The following ZNF777 variants were observed in gnomAD, a reference collection of about 807,000 sequenced individuals.
The protein encoded by ZNF777 is zinc finger protein 777.
ZNF777 carries 7 observed loss-of-function variants against 72.1 expected under a neutral mutation model. That is an observed-to-expected ratio of 0.10 (90% CI 0.06 to 0.18). The LOEUF (loss-of-function observed/expected upper bound fraction) is 0.18. Ranked by LOEUF, ZNF777 falls within the 10% of genes least tolerant of loss-of-function variation. The pLI, the probability that ZNF777 is intolerant of heterozygous loss-of-function variation, is 1.00. For synonymous variants in ZNF777, 545 were observed against 483.5 expected, an observed-to-expected ratio of 1.13 and a Z score of -1.67; for missense variants, 828 against 1,128.6, an observed-to-expected ratio of 0.73 and a Z score of 3.82.
chr7:149,450,859 C>G (rs1799699122), intron 4 of ZNF777, 140 bp downstream of exon 4: 2 of 648,632 alleles, frequency 3.1e-6, no homozygotes, highest in Non-Finnish European at 5.1e-6. Context: ...CACTCCAAAG[C>G]AGGTCCTGGC....
chr7:149,432,646 G>A lies in ZNF777; in HGVS notation c.1626C>T (p.Gly542=), dbSNP rs367681984. Residue 542 remains glycine, a synonymous_variant, in exon 6 of 6, where the codon GGC becomes GGT. Transcript: ENST00000247930. ...ASSQQQRNRR[G]ERPFTCMECG... The stretch of plus-strand genomic sequence containing the variant: ...ACTCCATGCATGTGAAGGGCCGCTC[G>A]CCGCGCCGGTTCCGCTGCTGCTGGC... 8.1e-6 allele frequency: 13 copies of A among 1,613,444 alleles called. No homozygotes were observed. The highest frequency in any genetic ancestry group is 4.0e-5 in the African/African-American group (3 of 74,910).
Position 149,436,951 on chromosome 7 carries a change from T to C in ZNF777, c.1088-125A>G, listed in dbSNP as rs545819172. On this transcript the variant is annotated intron_variant, in intron 4 of 5. Transcript: ENST00000247930. The surrounding 1 kb of genome is among the most constrained non-coding windows in gnomAD (Gnocchi z 5.0). ...TCTTATCTTAGAGACCCTGAAGAAA[T>C]GTAATATTGAGTTGGAAATGAGTAG... 9.6e-6 allele frequency: 12 copies of C among 1,244,218 alleles called. No individual in the cohort carries two copies. The highest frequency in any genetic ancestry group is 1.1e-5 in the Non-Finnish European group (10 of 905,750). The allele number at this position is 1,244,218 out of a possible 1,614,324, so 77.1% of individuals were successfully genotyped here.
In ZNF777 at chr7:149,436,031, C is replaced by T. The variant is rs1402743089; in HGVS notation, c.1339+544G>A. Among the ~76,000 whole-genome samples, 1 of 152,174 alleles carries T rather than the reference C, an allele frequency of 6.6e-6. No individual in the cohort carries two copies. The highest frequency in any genetic ancestry group is 1.5e-5 in the Non-Finnish European group (1 of 68,038). Reference sequence around the variant, plus strand: ...CGAAAGATGTCCTGGGATCAGGCCACCGTGAGCCCCAGTGCCTTACTGTTC... The same window carrying T: ...CGAAAGATGTCCTGGGATCAGGCCATCGTGAGCCCCAGTGCCTTACTGTTC... On this transcript the variant is annotated intron_variant, in intron 5 of 5. Transcript: ENST00000247930. This position sits in a 1 kb window ranked among gnomAD's most constrained non-coding sequence, Gnocchi z 5.0.
chr7:149,451,655 C>T (rs1799719225), intron 3 of ZNF777, among the ~76,000 whole-genome samples: 2 of 151,916 alleles, frequency 1.3e-5, no homozygotes, highest in Admixed American at 6.6e-5. Context: ...TCACACACTG[C>T]ACTCCAGCCT....
At chr7:149,451,156 G>T in intron 3 of ZNF777, 44 bp from the exon 4 acceptor site, 2 of 1,538,332 alleles carry the variant, frequency 1.3e-6, no homozygotes, top group South Asian at 2.2e-5. Context: ...GGATGAGGTT[G>T]CACTGGATGT....
chr7:149,449,959 C>A (rs1799684345), intron 4 of ZNF777, among the ~76,000 whole-genome samples: 1 of 152,144 alleles, frequency 6.6e-6, no homozygotes, highest in African/African-American at 2.4e-5. Flanking sequence ...CAACATTACT[C>A]CCATGTTCCT....
chr7:149,459,633 G>A (rs1354667461), intron 1 of ZNF777: 1 of 985,006 alleles, frequency 1.0e-6, no homozygotes, highest in Non-Finnish European at 1.2e-6. Context: ...TTCTGGGGCT[G>A]CCGCACCGTG....
rs1211889262 is a variant in ZNF777, at chr7:149,460,370, C to A, written c.-16+445G>T. Among the ~76,000 whole-genome samples the A allele has an allele frequency of 6.9e-6, 1 of 145,870 alleles. No individual in the cohort carries two copies. Among genetic ancestry groups the A allele is most frequent in the African/African-American group, 2.5e-5 (1 of 40,738 alleles). On this transcript the variant is annotated intron_variant, in intron 1 of 5. Transcript: ENST00000247930. The surrounding 1 kb of genome is among the most constrained non-coding windows in gnomAD (Gnocchi z 6.1). ...GGTCGCGGAGCCCGAGCGGCGGCGT[C>A]GGAGCTGGGCGCGCGGCTGTGCGGG...
rs571060470 is a variant in ZNF777 at position 149,443,222 on chromosome 7, AATTT to A, written c.1088-6400_1088-6397del. 2.6e-4 allele frequency among the ~76,000 whole-genome samples: 33 copies of A among 129,264 alleles called. No individual in the cohort carries two copies. In the South Asian group the frequency reaches 8.0e-3, roughly 31 times the overall value. The allele number at this position is 129,264 out of a possible 152,430, so 84.8% of individuals were successfully genotyped here. ...GTCAGCTATGAAAAAGAACACGACA[AATTT>A]ATATATTCTGACGTAAAAATGTCAA... On this transcript the variant is annotated intron_variant, in intron 4 of 5. Transcript: ENST00000247930.
chr7:149,432,287 C>T lies in ZNF777; in HGVS notation c.1985G>A (p.Arg662Gln). Residue 662 changes from arginine (R) to glutamine (Q), a missense_variant, in exon 6 of 6, where the codon CGG (arginine) becomes CAG (glutamine). This residue lies in a region of ZNF777 where 26 missense variants were observed against 62.1 expected (regional missense o/e 0.42). Coordinates refer to ENST00000247930, the MANE Select transcript of ZNF777 (RefSeq NM_015694.3). ...CTTGCACTCGGGGCACGTGTAGGGC[C>T]GCTCACCCGTGTGCGTGATCTGGTG... ...TKHQITHTGE[R>Q]PYTCPECKKS... 4 of 1,610,254 alleles carry T rather than the reference C, an allele frequency of 2.5e-6. No individual in the cohort carries two copies. Among genetic ancestry groups the T allele is most frequent in the Non-Finnish European group, 3.4e-6 (4 of 1,179,896 alleles).
At chr7:149,459,843 G>A in intron 1 of ZNF777, 2 of 984,694 alleles carry the variant, frequency 2.0e-6, no homozygotes, top group Non-Finnish European at 2.4e-6. Flanking sequence ...CCCGCAGGGA[G>A]CGAGCGCGCC....
chr7:149,436,410 G>A lies in ZNF777; in HGVS notation c.1339+165C>T, dbSNP rs865993257. 7.2e-5 allele frequency among the ~76,000 whole-genome samples: 11 copies of A among 152,046 alleles called. No homozygotes were observed. Among genetic ancestry groups the A allele is most frequent in the African/African-American group, 1.9e-4 (8 of 41,398 alleles). On this transcript the variant is annotated intron_variant, in intron 5 of 5. Coordinates refer to ENST00000247930, the MANE Select transcript of ZNF777 (RefSeq NM_015694.3). The surrounding 1 kb of genome is among the most constrained non-coding windows in gnomAD (Gnocchi z 5.0). The stretch of plus-strand genomic sequence containing the variant: ...GGAGACGGATTCTTACAAGTCCCGC[G>A]TCACGGAGCCTATACTCGAGGCCGT...
intron 1 of ZNF777, among the ~76,000 whole-genome samples, chr7:149,457,107 G>C (rs764401933): frequency 6.6e-6 from 1 of 152,130 alleles, no homozygotes; most frequent in African/African-American, 2.4e-5. Flanking sequence ...AGATTTGGGG[G>C]GACTAGACCA....
At chr7:149,441,831 AT>A (rs1799521543) in intron 4 of ZNF777, among the ~76,000 whole-genome samples, 1 of 151,900 alleles carries the variant, frequency 6.6e-6, no homozygotes, top group African/African-American at 2.4e-5. Flanking sequence ...GGCAAAAAAT[AT>A]TTTATTTTGT....
At chr7:149,452,734 G>T (rs1199262211) in intron 3 of ZNF777, among the ~76,000 whole-genome samples, 1 of 152,070 alleles carries the variant, frequency 6.6e-6, no homozygotes, top group African/African-American at 2.4e-5. Context: ...CTCAGGCCAG[G>T]GTATGAAGTG....
At chr7:149,448,792 T>G (rs1030729786) in intron 4 of ZNF777, among the ~76,000 whole-genome samples, 1 of 151,832 alleles carries the variant, frequency 6.6e-6, no homozygotes, top group Non-Finnish European at 1.5e-5. Flanking sequence ...CTGGCCTCCA[T>G]GGCCACCCTT....
At chr7:149,450,206 CA>C (rs1199921089) in intron 4 of ZNF777, among the ~76,000 whole-genome samples, 1 of 152,190 alleles carries the variant, frequency 6.6e-6, no homozygotes, top group Non-Finnish European at 1.5e-5. Flanking sequence ...AGTTCCAAAG[CA>C]GGGGCTTCAG....
chr7:149,441,615 T>G (rs1441203819), intron 4 of ZNF777, among the ~76,000 whole-genome samples: 1 of 152,212 alleles, frequency 6.6e-6, no homozygotes, highest in Non-Finnish European at 1.5e-5. Context: ...TAATCTGTGA[T>G]TGGTTTTTAA....
At chr7:149,441,976 C>T (rs1799525063) in intron 4 of ZNF777, among the ~76,000 whole-genome samples, 1 of 151,388 alleles carries the variant, frequency 6.6e-6, no homozygotes, top group Non-Finnish European at 1.5e-5. Flanking sequence ...GAGGCTGAGG[C>T]GGGTAACGTC....
Sources: gnomAD v4.1 joint callset for allele counts (sites outside exome capture counted in the v4.1 genomes callset) on GRCh38, gnomAD v4.1.1 for gene constraint, gnomAD v4.1.1 regional missense constraint, Gnocchi (gnomAD v3.1) non-coding constraint, MANE v1.5 for transcripts, NCBI Gene and HGNC (gene_info 2026-07-23, HGNC 2026-07-21) for gene names.